SEC63: variants seen among roughly 807,000 people sequenced by gnomAD.
SEC63 encodes the protein translocation protein SEC63 homolog.
SEC63 carries 56 observed loss-of-function variants against 116.2 expected under a neutral mutation model. That is an observed-to-expected ratio of 0.48 (90% CI 0.39 to 0.60). The LOEUF is 0.60. Ranked by LOEUF, SEC63 falls within the 20% of genes least tolerant of loss-of-function variation. The pLI, the probability that SEC63 is intolerant of heterozygous loss-of-function variation, is 0.00. For missense variants in SEC63, 668 were observed against 900.0 expected, an observed-to-expected ratio of 0.74 and a Z score of 3.30; for synonymous variants, 273 against 294.6, an observed-to-expected ratio of 0.93 and a Z score of 0.75.
At chr6:107,884,396 G>A (rs577954099) in intron 16 of SEC63, among the ~76,000 whole-genome samples, 63 of 151,840 alleles carry the variant, frequency 4.1e-4, no homozygotes, top group African/African-American at 1.4e-3. Context: ...ACCAATATTA[G>A]GAACAAGAGG....
intron 1 of SEC63, among the ~76,000 whole-genome samples, chr6:107,933,752 G>A (rs1307579739): frequency 5.1e-5 from 7 of 137,772 alleles, no homozygotes; most frequent in South Asian, 5.1e-4. Flanking sequence ...CTCTTTCCAC[G>A]GTCTCCCTCT....
At chr6:107,957,135 G>A (rs897370114) in intron 1 of SEC63, 2 of 152,316 alleles carry the variant, frequency 1.3e-5, no homozygotes, top group African/African-American at 2.4e-5. Context: ...GTTGTTTAAT[G>A]TGAAAAGACT....
Position 107,957,901 on chromosome 6 carries a change from G to A in SEC63, c.109C>T (p.Arg37Ter). ...CGGGACTCACCGGCATTCTGATCTC[G>A]GGGCCAGAGGTAGTATGTCGCCGGG... is the stretch of plus-strand genomic sequence containing the variant. The part of the protein sequence containing the change: ...VIPATYYLWP[R>*]DQNAEQIRLK... The change falls in exon 1 of 21, where the codon CGA becomes TGA. Residue 37 changes from arginine (R) to a stop codon, truncating the protein, a stop_gained. Transcript: ENST00000369002. LOFTEE classifies it high-confidence loss of function. The A allele has an allele frequency of 6.2e-7, 1 of 1,612,540 alleles. No homozygotes were observed. Among genetic ancestry groups the A allele is most frequent in the South Asian group, 1.1e-5 (1 of 91,046 alleles).
At chr6:107,898,368 T>C (rs1162370425) in intron 13 of SEC63, among the ~76,000 whole-genome samples, 1 of 151,982 alleles carries the variant, frequency 6.6e-6, no homozygotes, top group African/African-American at 2.4e-5. Context: ...AAACACAGTA[T>C]AATGTGAGAC....
In SEC63 at chr6:107,933,690, G is replaced by A. The variant is rs1356703028; in HGVS notation, c.125-4176C>T. ...TGCCTCTGCCCCTGCCCCTGCCCCT[G>A]CCCCTGCCCCTGCCTCTCCCTCTCC... On this transcript the variant is annotated intron_variant, in intron 1 of 20. Coordinates refer to ENST00000369002, the MANE Select transcript of SEC63 (RefSeq NM_007214.5). 4.7e-5 allele frequency among the ~76,000 whole-genome samples: 7 copies of A among 147,770 alleles called. No individual in the cohort carries two copies. The South Asian group carries it at 6.4e-4, about 14-fold the overall frequency.
At chr6:107,886,818 T>C (rs977666145) in intron 16 of SEC63, among the ~76,000 whole-genome samples, 1 of 151,652 alleles carries the variant, frequency 6.6e-6, no homozygotes, top group Non-Finnish European at 1.5e-5. Context: ...GCCTGTTCAC[T>C]CTGATGATAG....
chr6:107,910,837 C>T (rs370410403), intron 7 of SEC63, among the ~76,000 whole-genome samples: 27 of 151,590 alleles, frequency 1.8e-4, no homozygotes, highest in African/African-American at 4.4e-4. Context: ...GGCACAATCT[C>T]GGCTCATTGC....
intron 20 of SEC63, among the ~76,000 whole-genome samples, chr6:107,872,310 C>T (rs745565914): frequency 3.3e-5 from 5 of 152,072 alleles, no homozygotes; most frequent in Non-Finnish European, 7.4e-5. Flanking sequence ...CTACTTTTAC[C>T]CTTTATAATG....
chr6:107,903,737 A>C (rs796286483), intron 11 of SEC63, among the ~76,000 whole-genome samples: 4 of 152,330 alleles, frequency 2.6e-5, no homozygotes, highest in African/African-American at 9.6e-5. Flanking sequence ...AATCACTTTT[A>C]TATCAGTTAA....
chr6:107,884,560 TGCGAATAACTC>T (rs1164961534), intron 16 of SEC63, among the ~76,000 whole-genome samples: 3 of 152,104 alleles, frequency 2.0e-5, no homozygotes, highest in Non-Finnish European at 4.4e-5. Flanking sequence ...AAATAAACTC[TGCGAATAACTC>T]CCTTTAAAAA....
Position 107,906,521 on chromosome 6 carries a change from T to G in SEC63, c.888A>C (p.Pro296=). ...LKKNEPPLTC[P]YSLKARVLLL... is the part of the protein sequence containing the mutation. ...AAAGAACTCTGGCCTTCAGGCTATATGGGCAGGTAAGTGGAGGCTCATTCT... is the reference window on the plus strand; with the variant it reads ...AAAGAACTCTGGCCTTCAGGCTATAGGGGCAGGTAAGTGGAGGCTCATTCT... Residue 296 remains proline (P), a synonymous_variant, in exon 10 of 21, where the codon CCA becomes CCC. Coordinates refer to ENST00000369002, the MANE Select transcript of SEC63 (RefSeq NM_007214.5). The G allele has an allele frequency of 6.2e-7, 1 of 1,613,812 alleles. No individual in the cohort carries two copies. The highest frequency in any genetic ancestry group is 8.5e-7 in the Non-Finnish European group (1 of 1,179,674).
intron 4 of SEC63, among the ~76,000 whole-genome samples, chr6:107,917,909 T>C (rs755297140): frequency 2.0e-5 from 3 of 152,180 alleles, no homozygotes; most frequent in Non-Finnish European, 4.4e-5. Context: ...CTAGCTAAGA[T>C]CACAATGAAG....
chr6:107,901,322 A>C, intron 13 of SEC63, 48 bp downstream of exon 13: 1 of 1,564,230 alleles, frequency 6.4e-7, no homozygotes, highest in Non-Finnish European at 8.8e-7. Context: ...AATGAGAACC[A>C]ATCTATCAAA....
At position 107,871,641 on chromosome 6, in the gene SEC63, C is replaced by T. The variant is rs1786135571; in HGVS notation, c.*63G>A. 2 of 1,541,996 alleles carry T rather than the reference C, an allele frequency of 1.3e-6. No homozygotes were observed. The highest frequency in any genetic ancestry group is 1.4e-5 in the African/African-American group (1 of 73,640). On this transcript the variant is annotated 3_prime_UTR_variant, in exon 21 of 21. Transcript: ENST00000369002. ...TCTGTACTGTTTCTGGTTTATGATACACTTCCAAAACAGCAAAAAATTGCA... is the reference window on the plus strand; with the variant it reads ...TCTGTACTGTTTCTGGTTTATGATATACTTCCAAAACAGCAAAAAATTGCA...
intron 19 of SEC63, among the ~76,000 whole-genome samples, chr6:107,876,063 AC>A (rs779280997): frequency 1.8e-4 from 28 of 152,070 alleles, no homozygotes; most frequent in Non-Finnish European, 2.9e-4. Flanking sequence ...AAACACACAC[AC>A]AAAAAAAACA....
At chr6:107,925,080 C>T (rs1401014262) in intron 2 of SEC63, 148 bp from the exon 3 acceptor site, 8 of 680,364 alleles carry the variant, frequency 1.2e-5, no homozygotes, top group Middle Eastern at 2.6e-4. Flanking sequence ...GTTACAAACT[C>T]CTGTTACAGC....
At chr6:107,933,025 T>C (rs115461909) in intron 1 of SEC63, among the ~76,000 whole-genome samples, 3,433 of 152,092 alleles carry the variant, frequency 0.023, 115 homozygotes, top group African/African-American at 0.078. Context: ...GATCTTGAAA[T>C]AGGAAGATTA....
intron 1 of SEC63, among the ~76,000 whole-genome samples, chr6:107,943,180 A>G (rs917209116): frequency 4.6e-5 from 7 of 152,262 alleles, no homozygotes; most frequent in African/African-American, 1.7e-4. Flanking sequence ...GCTCACTGCA[A>G]TAGCAAAGAA....
chr6:107,874,734 G>T (rs1322536056), intron 19 of SEC63, among the ~76,000 whole-genome samples: 1 of 152,024 alleles, frequency 6.6e-6, no homozygotes, highest in Non-Finnish European at 1.5e-5. Context: ...GAAGTACAGG[G>T]GCATGATCAT....
Sources: gnomAD v4.1 joint callset for allele counts (sites outside exome capture counted in the v4.1 genomes callset) on GRCh38, gnomAD v4.1.1 for gene constraint, MANE v1.5 for transcripts, NCBI Gene and HGNC (gene_info 2026-07-23, HGNC 2026-07-21) for gene names.